Variants in CTNNA3 observed in about 807,000 individuals in gnomAD.
CTNNA3 encodes catenin alpha 3.
Under a neutral mutation model 95.7 loss-of-function variants are expected in CTNNA3, and 76 were observed. That is an observed-to-expected ratio of 0.79 (90% CI 0.66 to 0.96). The LOEUF is 0.96. Among genes scored for constraint, CTNNA3 ranks in the 40% least tolerant of loss-of-function variants. CTNNA3 has a pLI of 0.00. For synonymous variants in CTNNA3, 431 were observed against 374.4 expected, an observed-to-expected ratio of 1.15 and a Z score of -1.74; for missense variants, 1,191 against 1,089.8, an observed-to-expected ratio of 1.09 and a Z score of -1.31.
intron 11 of CTNNA3, among the ~76,000 whole-genome samples, chr10:66,424,778 A>G (rs1170561468): frequency 6.6e-6 from 1 of 152,088 alleles, no homozygotes; most frequent in Non-Finnish European, 1.5e-5. Context: ...GTATTAATTA[A>G]GACTTTGGGA....
intron 5 of CTNNA3, among the ~76,000 whole-genome samples, chr10:67,367,665 T>C (rs1459510678): frequency 6.6e-6 from 1 of 152,158 alleles, no homozygotes; most frequent in East Asian, 1.9e-4. Flanking sequence ...GGAATCAACC[T>C]AGGTGCCCGT....
intron 7 of CTNNA3, among the ~76,000 whole-genome samples, chr10:66,794,352 A>G (rs1353901062): frequency 6.6e-6 from 1 of 152,128 alleles, no homozygotes; most frequent in African/African-American, 2.4e-5. Context: ...AGCAAGTCAC[A>G]TGGGTTTTTT....
At chr10:66,539,472 T>G (rs1841772883) in intron 10 of CTNNA3, among the ~76,000 whole-genome samples, 2 of 152,162 alleles carry the variant, frequency 1.3e-5, no homozygotes, top group South Asian at 4.1e-4. Flanking sequence ...TACTGGTCTT[T>G]ATCAGTGTGA....
At chr10:67,609,363 G>A (rs1015739278) in intron 2 of CTNNA3, among the ~76,000 whole-genome samples, 1 of 151,994 alleles carries the variant, frequency 6.6e-6, no homozygotes, top group Non-Finnish European at 1.5e-5. Flanking sequence ...CTGCTCAGTA[G>A]TCCCTAGAGA....
chr10:67,170,177 G>A (rs917658793), intron 7 of CTNNA3, among the ~76,000 whole-genome samples: 4 of 152,214 alleles, frequency 2.6e-5, no homozygotes, highest in Non-Finnish European at 5.9e-5. Context: ...TGGTAGGAGT[G>A]TAAGTTAATT....
chr10:67,148,408 G>T (rs565544923), intron 7 of CTNNA3, among the ~76,000 whole-genome samples: 2 of 152,170 alleles, frequency 1.3e-5, no homozygotes, highest in African/African-American at 4.8e-5. Context: ...CCAGTGTCTC[G>T]TAGAGGGAAG....
chr10:66,164,402 T>C (rs1246838111), intron 13 of CTNNA3, among the ~76,000 whole-genome samples: 2 of 152,176 alleles, frequency 1.3e-5, no homozygotes, highest in Non-Finnish European at 2.9e-5. Context: ...ATTGGGAATA[T>C]AGGTCATAGA....
chr10:66,497,638 A>C lies in CTNNA3; in HGVS notation c.1531+22979T>G, dbSNP rs192034177. Among the ~76,000 whole-genome samples, 35 of 152,208 alleles carry C rather than the reference A, an allele frequency of 2.3e-4. No individual in the cohort carries two copies. In the East Asian group the frequency reaches 5.6e-3, roughly 24 times the overall value. ...CTAATGTTTCATTTAATTATAATCA[A>C]ACTGTACTCTGATTGACATGGCATA... On this transcript the variant is annotated intron_variant, in intron 11 of 17. Transcript: ENST00000433211.
At chr10:66,802,419 A>C (rs2132236920) in intron 7 of CTNNA3, among the ~76,000 whole-genome samples, 1 of 151,892 alleles carries the variant, frequency 6.6e-6, no homozygotes, top group South Asian at 2.1e-4. Context: ...CTCAACATCA[A>C]ATATCATTAC....
chr10:66,493,599 A>ATTTTTTTTTTTTTTTTTT (rs528761424), intron 11 of CTNNA3, among the ~76,000 whole-genome samples: 14 of 112,018 alleles, frequency 1.2e-4, no homozygotes, highest in East Asian at 7.5e-4. Flanking sequence ...TAACTACAGT[A>ATTTTTTTTTTTTTTTTTT]TTTTTTTTTT....
At chr10:66,178,298 GTATA>G (rs2085826263) in intron 13 of CTNNA3, among the ~76,000 whole-genome samples, 1 of 149,038 alleles carries the variant, frequency 6.7e-6, no homozygotes, top group Non-Finnish European at 1.5e-5. Flanking sequence ...AAATGAAAGT[GTATA>G]TGTATGTGTA....
At chr10:67,683,142 G>A (rs1205557429) in intron 1 of CTNNA3, among the ~76,000 whole-genome samples, 1 of 152,128 alleles carries the variant, frequency 6.6e-6, no homozygotes, top group Non-Finnish European at 1.5e-5. Context: ...ATCCCACATT[G>A]GGAAAATAGA....
intron 13 of CTNNA3, among the ~76,000 whole-genome samples, chr10:66,137,905 A>G (rs543415074): frequency 6.6e-6 from 1 of 152,144 alleles, no homozygotes; most frequent in African/African-American, 2.4e-5. Flanking sequence ...AGCCAAGATT[A>G]TGTCATTGTA....
intron 15 of CTNNA3, among the ~76,000 whole-genome samples, chr10:66,048,626 T>C (rs545628607): frequency 7.1e-4 from 108 of 152,164 alleles, no homozygotes; most frequent in African/African-American, 2.5e-3. Flanking sequence ...CCAGGCGTGC[T>C]GGTGGGTGCC....
At chr10:66,762,584 C>T (rs558082259) in intron 9 of CTNNA3, among the ~76,000 whole-genome samples, 2 of 151,520 alleles carry the variant, frequency 1.3e-5, no homozygotes, top group East Asian at 2.0e-4. Context: ...ATTAGTATAG[C>T]GGGACACCTC....
At chr10:66,752,741 T>A (rs1049199448) in intron 9 of CTNNA3, among the ~76,000 whole-genome samples, 19 of 151,766 alleles carry the variant, frequency 1.3e-4, no homozygotes, top group Non-Finnish European at 7.4e-5. Flanking sequence ...AATAAGAAAA[T>A]AGGGCTTGAA....
At chr10:66,991,744 A>C (rs2042986720) in intron 7 of CTNNA3, among the ~76,000 whole-genome samples, 1 of 152,196 alleles carries the variant, frequency 6.6e-6, no homozygotes, top group South Asian at 2.1e-4. Context: ...AACATTTGCC[A>C]GAACTCTGTG....
At chr10:66,648,033 A>G (rs967036787) in intron 9 of CTNNA3, among the ~76,000 whole-genome samples, 1 of 152,044 alleles carries the variant, frequency 6.6e-6, no homozygotes, top group Non-Finnish European at 1.5e-5. Flanking sequence ...TAACACTACA[A>G]AGTTTGAAAG....
chr10:67,604,209 A>G (rs931193129), intron 3 of CTNNA3, among the ~76,000 whole-genome samples: 3 of 152,314 alleles, frequency 2.0e-5, no homozygotes, highest in Middle Eastern at 3.4e-3. Context: ...ACATGTCCCC[A>G]TTGTTAAGTA....
Sources: allele counts gnomAD v4.1 joint callset (sites outside exome capture counted in the v4.1 genomes callset), GRCh38; gene constraint gnomAD v4.1.1; transcripts MANE v1.5; gene names NCBI Gene and HGNC (gene_info 2026-07-23, HGNC 2026-07-21).